The following PMPCA variants were observed in gnomAD, a reference collection of about 807,000 sequenced individuals.
PMPCA encodes peptidase, mitochondrial processing subunit alpha.
PMPCA carries 47 observed loss-of-function variants against 59.3 expected under a neutral mutation model. That is an observed-to-expected ratio of 0.79 (90% CI 0.63 to 1.01). The LOEUF (loss-of-function observed/expected upper bound fraction) is 1.01, where lower values mean the gene tolerates loss of function less well. PMPCA is among the 50% of genes least tolerant of loss of function. The pLI is 0.00. For synonymous variants in PMPCA, 338 were observed against 290.3 expected, an observed-to-expected ratio of 1.16 and a Z score of -1.67; for missense variants, 726 against 704.5, an observed-to-expected ratio of 1.03 and a Z score of -0.34.
rs1014065786 is a variant in PMPCA at position 136,416,605 on chromosome 9, C to T, written c.633+214C>T. 96 of 628,608 alleles carry T rather than the reference C, an allele frequency of 1.5e-4. 2 individuals carry two copies. In the South Asian group the frequency reaches 1.6e-3, roughly 11 times the overall value. The allele number at this position is 628,608 out of a possible 1,614,324, so 38.9% of individuals were successfully genotyped here. A position where few individuals can be genotyped will look rare whatever the true frequency, so the allele number is the denominator to read the frequency against. Reference sequence around the variant, plus strand: ...CAGGTGATCCTCCTGCCTCTGCCTCCCAAGTAGCTGGGATTACAGGCGTGA... The same window carrying T: ...CAGGTGATCCTCCTGCCTCTGCCTCTCAAGTAGCTGGGATTACAGGCGTGA... On this transcript the variant is annotated intron_variant, in intron 6 of 12. Coordinates refer to ENST00000371717, the MANE Select transcript of PMPCA (RefSeq NM_015160.3).
In PMPCA at chr9:136,423,399, A is replaced by C; in HGVS notation, c.*135A>C. Reference sequence around the variant, plus strand: ...TGCAAACAATGTCGCCACAGCACCCACGCGGTTTGCATTCTTTTGGAACTC... The same window carrying C: ...TGCAAACAATGTCGCCACAGCACCCCCGCGGTTTGCATTCTTTTGGAACTC... On this transcript the variant is annotated 3_prime_UTR_variant, in exon 13 of 13. Transcript: ENST00000371717. 1 of 889,434 alleles carries C rather than the reference A, an allele frequency of 1.1e-6. No individual in the cohort carries two copies. Among genetic ancestry groups the C allele is most frequent in the Non-Finnish European group, 1.7e-6 (1 of 597,168 alleles). 55.1% of individuals were successfully genotyped at this position (889,434 alleles called of 1,614,324 possible).
In PMPCA at chr9:136,417,158, G is replaced by C. The variant is rs780572652; in HGVS notation, c.841G>C (p.Ala281Pro). 2 of 1,611,560 alleles carry C rather than the reference G, an allele frequency of 1.2e-6. No homozygotes were observed. Among genetic ancestry groups the C allele is most frequent in the Admixed American group, 3.3e-5 (2 of 59,938 alleles). Residue 281 changes from alanine to proline, a missense_variant, in exon 7 of 13, where the codon GCA (alanine) becomes CCA (proline). Transcript: ENST00000371717. ...GGGGGTCCAGCCGGCCTGGGGGAGC[G>C]CAGAGGCCGTGGATATTGACAGATC... ...LLGVQPAWGS[A>P]EAVDIDRSVA...
Position 136,423,312 on chromosome 9 carries a change from T to C in PMPCA, c.*48T>C, listed in dbSNP as rs1835515869. ...CCCAGGGAGCTGCAGCTGGAGCCCG[T>C]TCCCGTGCGTGTTAGTTTGGACACG... On this transcript the variant is annotated 3_prime_UTR_variant, in exon 13 of 13. Coordinates refer to ENST00000371717, the MANE Select transcript of PMPCA (RefSeq NM_015160.3). 7.7e-6 allele frequency: 12 copies of C among 1,565,286 alleles called. No individual in the cohort carries two copies. The highest frequency in any genetic ancestry group is 9.6e-6 in the Non-Finnish European group (11 of 1,149,916).
At chr9:136,412,973 C>T (rs891725940) in intron 4 of PMPCA, 81 bp downstream of exon 4, 84 of 848,692 alleles carry the variant, frequency 9.9e-5, no homozygotes, top group Non-Finnish European at 1.6e-4. Flanking sequence ...CCCTCTGAGC[C>T]CCTCCCAGCG....
chr9:136,415,994 C>T (rs1206462059), intron 5 of PMPCA: 2 of 481,118 alleles, frequency 4.2e-6, no homozygotes, highest in Non-Finnish European at 7.4e-6. Context: ...GCACTTGGGA[C>T]AGACAGGTCC....
rs1271569968 is a variant in PMPCA, at chr9:136,416,282, C to T, written c.533-9C>T. The T allele has an allele frequency of 2.5e-6, 4 of 1,606,930 alleles. No individual in the cohort carries two copies. Among genetic ancestry groups the T allele is most frequent in the East Asian group, 2.2e-5 (1 of 44,864 alleles). On this transcript the variant is annotated splice_polypyrimidine_tract_variant and intron_variant, in intron 5 of 12. Transcript: ENST00000371717. Reference sequence around the variant, plus strand: ...CAGACTCAGCCCTGGCCTTTGGGTTCTCTTGCAGATGAAGAAGTCGAGATG... The same window carrying T: ...CAGACTCAGCCCTGGCCTTTGGGTTTTCTTGCAGATGAAGAAGTCGAGATG...
chr9:136,419,470 C>T (rs893775756), intron 11 of PMPCA: 30 of 399,462 alleles, frequency 7.5e-5, no homozygotes, highest in African/African-American at 2.4e-4. Context: ...CCTTCTCAGC[C>T]GCCTCTGTGA....
Position 136,410,755 on chromosome 9 carries a change from A to G in PMPCA, c.71+16A>G. 2.9e-6 allele frequency: 4 copies of G among 1,388,322 alleles called. No individual in the cohort carries two copies. The highest frequency in any genetic ancestry group is 1.8e-5 in the South Asian group (1 of 56,110). The allele number at this position is 1,388,322 out of a possible 1,614,324, so 86.0% of individuals were successfully genotyped here. ...CGCGGCTGAGGTGAGCCAAAGGCGAACCAGGCTTCGGCCTGGGGCGGGGGC... is the reference window on the plus strand; with the variant it reads ...CGCGGCTGAGGTGAGCCAAAGGCGAGCCAGGCTTCGGCCTGGGGCGGGGGC... On this transcript the variant is annotated intron_variant, in intron 1 of 12. Transcript: ENST00000371717.
At chr9:136,413,421 C>T (rs896459828) in intron 4 of PMPCA, among the ~76,000 whole-genome samples, 4 of 152,108 alleles carry the variant, frequency 2.6e-5, no homozygotes, top group African/African-American at 9.7e-5. Flanking sequence ...GTGGTCTTTG[C>T]ATGCCAGGTG....
Position 136,416,994 on chromosome 9 carries a change from C to G in PMPCA, c.677C>G (p.Pro226Arg). 1.2e-6 allele frequency: 2 copies of G among 1,612,502 alleles called. No individual in the cohort carries two copies. The highest frequency in any genetic ancestry group is 1.7e-6 in the Non-Finnish European group (2 of 1,179,912). ...ENTVGLHRFC[P>R]TENVAKINRE... ...ACAGTTGGCCTCCACCGTTTCTGCC[C>G]CACAGAAAACGTAGCAAAGATCAAC... Residue 226 changes from proline (P) to arginine (R), a missense_variant, in exon 7 of 13, where the codon CCC (proline) becomes CGC (arginine). By Grantham distance (103) the Pro-to-Arg change is moderately radical. Coordinates refer to ENST00000371717, the MANE Select transcript of PMPCA (RefSeq NM_015160.3).
Position 136,418,037 on chromosome 9 carries a change from T to C in PMPCA, c.918T>C (p.Asn306=), listed in dbSNP as rs140050189. The C allele has an allele frequency of 5.0e-6, 8 of 1,613,668 alleles. No homozygotes were observed. Among genetic ancestry groups the C allele is most frequent in the African/African-American group, 1.3e-5 (1 of 75,052 alleles). Residue 306 remains asparagine, a synonymous_variant, in exon 8 of 13, where the codon AAT becomes AAC. Coordinates refer to ENST00000371717, the MANE Select transcript of PMPCA (RefSeq NM_015160.3). The part of the protein sequence containing the change: ...GIAKLERDMS[N]VSLGPTPIPE... Reference sequence around the variant, plus strand: ...TACAGCTAGAAAGAGACATGTCCAATGTCAGCCTGGGCCCGACCCCCATCC... The same window carrying C: ...TACAGCTAGAAAGAGACATGTCCAACGTCAGCCTGGGCCCGACCCCCATCC...
rs995602488 is a variant in PMPCA at position 136,410,676 on chromosome 9, C to G, written c.8C>G (p.Ala3Gly). The G allele has an allele frequency of 7.1e-7, 1 of 1,413,844 alleles. No homozygotes were observed. Among genetic ancestry groups the G allele is most frequent in the South Asian group, 1.7e-5 (1 of 59,436 alleles). The allele number at this position is 1,413,844 out of a possible 1,614,324, so 87.6% of individuals were successfully genotyped here. MAAVVLAATRLLR... is the reference protein window; with the variant it reads MAGVVLAATRLLR... ...GCGGGGCGGAGACGCAAGATGGCGG[C>G]TGTGGTGCTGGCGGCGACGCGGTTG... The change falls in exon 1 of 13, where the codon GCT becomes GGT. Residue 3 changes from alanine to glycine, a missense_variant. By Grantham distance (60) the Ala-to-Gly change is moderately conservative (BLOSUM62 0). Transcript: ENST00000371717.
chr9:136,414,807 T>A (rs1835230443), intron 5 of PMPCA, among the ~76,000 whole-genome samples, 160 bp downstream of exon 5: 1 of 152,204 alleles, frequency 6.6e-6, no homozygotes, highest in African/African-American at 2.4e-5. Context: ...GCGCTGGGGC[T>A]GGGCATGGTG....
intron 4 of PMPCA, among the ~76,000 whole-genome samples, chr9:136,413,165 T>C (rs1157032016): frequency 6.6e-6 from 1 of 152,154 alleles, no homozygotes; most frequent in African/African-American, 2.4e-5. Flanking sequence ...CAGAGGGCCT[T>C]GCATACGTAA....
At chr9:136,412,312 C>G in intron 2 of PMPCA, 113 bp downstream of exon 2, 4 of 883,452 alleles carry the variant, frequency 4.5e-6, no homozygotes, top group Non-Finnish European at 5.7e-6. Context: ...TGAGTGGAAA[C>G]AAAGTGTACG....
intron 7 of PMPCA, among the ~76,000 whole-genome samples, chr9:136,417,681 C>T (rs897790955): frequency 1.3e-5 from 2 of 152,110 alleles, no homozygotes; most frequent in African/African-American, 4.8e-5. Flanking sequence ...GTCTCGAACT[C>T]CTGACCTCAT....
chr9:136,414,898 C>G (rs1300635045), intron 5 of PMPCA, among the ~76,000 whole-genome samples: 1 of 152,120 alleles, frequency 6.6e-6, no homozygotes, highest in Non-Finnish European at 1.5e-5. Flanking sequence ...CCAGCCTGGG[C>G]AACATGGTGA....
At chr9:136,419,327 A>G in intron 11 of PMPCA, 1 of 613,656 alleles carries the variant, frequency 1.6e-6, no homozygotes. Context: ...AACCCCGAAA[A>G]CAGAAAAACA....
chr9:136,421,776 G>T (rs1835457904), intron 11 of PMPCA, 56 bp from the exon 12 acceptor site: 4 of 1,486,210 alleles, frequency 2.7e-6, no homozygotes, highest in Non-Finnish European at 2.7e-6. Flanking sequence ...CTCGAGTGGG[G>T]GGTGGAAGGT....
Sources: allele counts gnomAD v4.1 joint callset (sites outside exome capture counted in the v4.1 genomes callset), GRCh38; gene constraint gnomAD v4.1.1; transcripts MANE v1.5; gene names NCBI Gene and HGNC (gene_info 2026-07-23, HGNC 2026-07-21).